ALK: variants seen among roughly 807,000 people sequenced by gnomAD.
The protein encoded by ALK is ALK tyrosine kinase receptor.
In ALK, 74 loss-of-function variants were observed where a neutral mutation model predicts 163.1. The ratio of observed to expected loss-of-function variants is 0.45; its 90% CI spans 0.38 to 0.55. The LOEUF (loss-of-function observed/expected upper bound fraction) is 0.55. ALK is among the 20% of genes least tolerant of loss of function. The pLI is 0.00. For synonymous variants in ALK, 960 were observed against 843.2 expected, an observed-to-expected ratio of 1.14 and a Z score of -2.40; for missense variants, 2,063 against 2,105.3, an observed-to-expected ratio of 0.98 and a Z score of 0.39.
chr2:29,446,511 C>T (rs534972782), intron 4 of ALK, among the ~76,000 whole-genome samples: 7 of 152,262 alleles, frequency 4.6e-5, no homozygotes, highest in Non-Finnish European at 8.8e-5. Context: ...CAAAGAGTTC[C>T]CTGTTCTCAG....
At chr2:29,542,236 A>T (rs1177931564) in intron 3 of ALK, among the ~76,000 whole-genome samples, 1 of 152,062 alleles carries the variant, frequency 6.6e-6, no homozygotes, top group Non-Finnish European at 1.5e-5. Context: ...TTGTCTTTCC[A>T]GGAATTTCTA....
chr2:29,267,850 A>G (rs1665260446), intron 11 of ALK, among the ~76,000 whole-genome samples: 1 of 152,238 alleles, frequency 6.6e-6, no homozygotes, highest in Admixed American at 6.5e-5. Context: ...GTCTGAGAGA[A>G]GAATGATAAA....
intron 26 of ALK, among the ~76,000 whole-genome samples, chr2:29,198,176 ATTAC>A (rs1669071395): frequency 6.6e-6 from 1 of 152,144 alleles, no homozygotes; most frequent in African/African-American, 2.4e-5. Flanking sequence ...AAGTCTCTGA[ATTAC>A]TAGATTAGGA....
intron 3 of ALK, among the ~76,000 whole-genome samples, chr2:29,588,215 T>C (rs4426491): frequency 0.72 from 109,191 of 152,008 alleles, 40,120 homozygotes; most frequent in African/African-American, 0.89. Flanking sequence ...GAAAAAGAGA[T>C]GAGAGAAAAA....
chr2:29,678,670 T>G (rs896542846), intron 3 of ALK, among the ~76,000 whole-genome samples: 1 of 151,330 alleles, frequency 6.6e-6, no homozygotes, highest in Non-Finnish European at 1.5e-5. Flanking sequence ...TTTTTAAATT[T>G]TACTTGCATA....
chr2:29,233,844 A>T, intron 13 of ALK, 148 bp from the exon 14 acceptor site: 2 of 969,164 alleles, frequency 2.1e-6, no homozygotes, highest in Non-Finnish European at 3.2e-6. Context: ...TATACCAATA[A>T]CTGTCACTCT....
At position 29,455,215 on chromosome 2, in the gene ALK, C is replaced by G. The variant is rs537927106; in HGVS notation, c.1155-71356G>C. On this transcript the variant is annotated intron_variant, in intron 4 of 28. Transcript: ENST00000389048. ...GTGTGGCAGCAGGAGGTGGCGGGAA[C>G]AGTGTGAAGAGAGCCCAGAGGGACT... Among the ~76,000 whole-genome samples the G allele has an allele frequency of 1.4e-4, 22 of 152,308 alleles. No individual in the cohort carries two copies. The South Asian group carries it at 4.3e-3, about 30-fold the overall frequency.
At chr2:29,581,278 C>T (rs960062899) in intron 3 of ALK, among the ~76,000 whole-genome samples, 3 of 152,198 alleles carry the variant, frequency 2.0e-5, no homozygotes, top group Non-Finnish European at 4.4e-5. Flanking sequence ...GTCCCAGCTG[C>T]TCGGGAGGCT....
intron 4 of ALK, among the ~76,000 whole-genome samples, chr2:29,433,195 ATTG>A (rs1272445568): frequency 6.6e-6 from 1 of 152,120 alleles, no homozygotes; most frequent in African/African-American, 2.4e-5. Flanking sequence ...CAGCCAAGTG[ATTG>A]TTTCTCAGGC....
At chr2:29,767,325 A>G (rs1191091101) in intron 1 of ALK, among the ~76,000 whole-genome samples, 1 of 152,228 alleles carries the variant, frequency 6.6e-6, no homozygotes, top group East Asian at 1.9e-4. Context: ...ATAAATGTCA[A>G]GAGATGGGGG....
chr2:29,287,329 C>G (rs76665449), intron 9 of ALK, among the ~76,000 whole-genome samples: 33 of 152,278 alleles, frequency 2.2e-4, no homozygotes, highest in African/African-American at 7.7e-4. Context: ...TCAAAGAATA[C>G]TTAACAGGTC....
At chr2:29,783,615 G>A (rs967365018) in intron 1 of ALK, among the ~76,000 whole-genome samples, 1 of 152,192 alleles carries the variant, frequency 6.6e-6, no homozygotes, top group Non-Finnish European at 1.5e-5. Context: ...CCAACAATAA[G>A]AGAATTTTGT....
At chr2:29,773,826 G>C (rs1463730796) in intron 1 of ALK, among the ~76,000 whole-genome samples, 1 of 152,170 alleles carries the variant, frequency 6.6e-6, no homozygotes, top group Non-Finnish European at 1.5e-5. Flanking sequence ...ATCGTGAAGG[G>C]AACAAGGAGA....
chr2:29,360,894 T>C (rs1241260632), intron 5 of ALK, among the ~76,000 whole-genome samples: 1 of 152,232 alleles, frequency 6.6e-6, no homozygotes, highest in Non-Finnish European at 1.5e-5. Flanking sequence ...GGGGTATTTC[T>C]CTAAATCTTC....
intron 2 of ALK, among the ~76,000 whole-genome samples, chr2:29,716,047 G>A (rs938119670): frequency 6.6e-6 from 1 of 152,150 alleles, no homozygotes; most frequent in Non-Finnish European, 1.5e-5. Context: ...AGAGACAGCA[G>A]GCTTTGGACT....
At chr2:29,352,056 G>A (rs1668129800) in intron 5 of ALK, among the ~76,000 whole-genome samples, 1 of 152,170 alleles carries the variant, frequency 6.6e-6, no homozygotes. Flanking sequence ...GACCATCTTG[G>A]AGGAGGGAGA....
intron 4 of ALK, among the ~76,000 whole-genome samples, chr2:29,531,013 G>A: frequency 1.3e-5 from 2 of 152,186 alleles, no homozygotes; most frequent in East Asian, 3.9e-4. Context: ...CAGCCTTATT[G>A]CCAAAGCAAC....
intron 4 of ALK, among the ~76,000 whole-genome samples, chr2:29,526,396 G>A (rs1325898139): frequency 6.6e-6 from 1 of 152,186 alleles, no homozygotes; most frequent in Admixed American, 6.5e-5. Flanking sequence ...CTGTAACAAG[G>A]TGTCTGAGAA....
At chr2:29,301,055 C>T (rs1666353873) in intron 8 of ALK, among the ~76,000 whole-genome samples, 1 of 152,144 alleles carries the variant, frequency 6.6e-6, no homozygotes, top group Admixed American at 6.5e-5. Context: ...CTTCCAGTGA[C>T]CAGAGAAGTA....
Sources: allele counts gnomAD v4.1 joint callset (sites outside exome capture counted in the v4.1 genomes callset), GRCh38; gene constraint gnomAD v4.1.1; transcripts MANE v1.5; gene names NCBI Gene and HGNC (gene_info 2026-07-23, HGNC 2026-07-21).